The following FRMPD1 variants were observed in gnomAD, a reference collection of about 807,000 sequenced individuals.
FRMPD1 encodes the protein FERM and PDZ domain containing 1, also known as FERM and PDZ domain-containing protein 1.
Under a neutral mutation model 117.8 loss-of-function variants are expected in FRMPD1, and 76 were observed. The ratio of observed to expected loss-of-function variants is 0.65; its 90% confidence interval spans 0.54 to 0.78. FRMPD1 has a LOEUF of 0.78. Ranked by LOEUF, FRMPD1 falls within the 30% of genes least tolerant of loss-of-function variation. FRMPD1 has a pLI of 0.00. For missense variants in FRMPD1, 1,786 were observed against 1,964.5 expected, an observed-to-expected ratio of 0.91 and a Z score of 1.72; for synonymous variants, 783 against 770.4, an observed-to-expected ratio of 1.02 and a Z score of -0.27.
the FRMPD1 span, among the ~76,000 whole-genome samples, chr9:37,627,682 C>T: frequency 1.3e-5 from 2 of 152,176 alleles, no homozygotes; most frequent in Non-Finnish European, 2.9e-5. Context: ...CTTTGTTGCC[C>T]GGGCTATACT....
At chr9:37,722,346 A>G (rs1348551604) in intron 6 of FRMPD1, among the ~76,000 whole-genome samples, 1 of 151,208 alleles carries the variant, frequency 6.6e-6, no homozygotes, top group Non-Finnish European at 1.5e-5. Context: ...AGTCTTGCTT[A>G]GAAGATACAA....
At chr9:37,715,982 A>C (rs959176694) in intron 5 of FRMPD1, among the ~76,000 whole-genome samples, 3 of 152,170 alleles carry the variant, frequency 2.0e-5, no homozygotes, top group Non-Finnish European at 4.4e-5. Context: ...ACCATTCCTC[A>C]TAGATGGGTT....
At position 37,740,360 on chromosome 9, in the gene FRMPD1, C is replaced by T. The variant is rs1263249674; in HGVS notation, c.1832C>T (p.Ala611Val). ...RTSGSSESMD[A>V]LEEDDLDTCS... ...AGTGGCTCGAGTGAGTCCATGGACG[C>T]TCTGGAAGAGGATGACTTAGACACC... Residue 611 changes from alanine (A) to valine (V), a missense_variant, in exon 15 of 16, where the codon GCT (alanine) becomes GTT (valine). Coordinates refer to ENST00000377765, the MANE Select transcript of FRMPD1 (RefSeq NM_014907.3). This position sits in a 1 kb window ranked among gnomAD's most constrained non-coding sequence, Gnocchi z 4.2. 3 of 1,613,562 alleles carry T rather than the reference C, an allele frequency of 1.9e-6. No individual in the cohort carries two copies. The highest frequency in any genetic ancestry group is 2.7e-5 in the African/African-American group (2 of 74,920).
the FRMPD1 span, among the ~76,000 whole-genome samples, chr9:37,611,888 T>C: frequency 6.6e-6 from 1 of 152,144 alleles, no homozygotes; most frequent in African/African-American, 2.4e-5. Flanking sequence ...ATTTCACAGA[T>C]CTGGTTATAA....
rs553612475 is a variant in FRMPD1, at chr9:37,710,970, A to G, written c.363-380A>G. Among the ~76,000 whole-genome samples the G allele has an allele frequency of 3.3e-5, 5 of 152,196 alleles. No homozygotes were observed. In the South Asian group the frequency reaches 8.3e-4, roughly 25 times the overall value. On this transcript the variant is annotated intron_variant, in intron 4 of 15. Coordinates refer to ENST00000377765, the MANE Select transcript of FRMPD1 (RefSeq NM_014907.3). ...AAGACTCTGTCTCACAAAAAAAAAAAAAAAAAAAAATTGGGGGACATAAAT... is the reference window on the plus strand; with the variant it reads ...AAGACTCTGTCTCACAAAAAAAAAAGAAAAAAAAAATTGGGGGACATAAAT...
chr9:37,672,500 C>T (rs75133487), intron 1 of FRMPD1, among the ~76,000 whole-genome samples: 1 of 152,182 alleles, frequency 6.6e-6, no homozygotes, highest in South Asian at 2.1e-4. Context: ...TAAGCTGTTT[C>T]CATGCATTAC....
chr9:37,639,377 T>G, the FRMPD1 span, among the ~76,000 whole-genome samples: 2 of 152,220 alleles, frequency 1.3e-5, no homozygotes, highest in African/African-American at 4.8e-5. Context: ...GTCGCCATGT[T>G]TCCCTTGAAA....
At chr9:37,676,122 C>T (rs894321713) in intron 1 of FRMPD1, among the ~76,000 whole-genome samples, 20 of 152,198 alleles carry the variant, frequency 1.3e-4, no homozygotes, top group Admixed American at 2.6e-4. Flanking sequence ...CAGTTGTACC[C>T]AGAGCATAGA....
chr9:37,613,394 C>T, the FRMPD1 span, among the ~76,000 whole-genome samples: 1 of 152,008 alleles, frequency 6.6e-6, no homozygotes, highest in Non-Finnish European at 1.5e-5. Flanking sequence ...TTAATGTTAC[C>T]CTTTGAGAAT....
At chr9:37,717,765 G>A (rs1823214882) in intron 5 of FRMPD1, among the ~76,000 whole-genome samples, 1 of 152,050 alleles carries the variant, frequency 6.6e-6, no homozygotes, top group Non-Finnish European at 1.5e-5. Context: ...CTTGATATTT[G>A]ACCATCTTTA....
intron 2 of FRMPD1, among the ~76,000 whole-genome samples, chr9:37,702,688 G>C (rs1822577114): frequency 6.6e-6 from 1 of 152,212 alleles, no homozygotes; most frequent in Admixed American, 6.5e-5. Context: ...GGTCCACGAA[G>C]GCAAGGTTGA....
At chr9:37,699,898 T>C (rs1236018324) in intron 2 of FRMPD1, among the ~76,000 whole-genome samples, 1 of 150,442 alleles carries the variant, frequency 6.6e-6, no homozygotes, top group East Asian at 2.0e-4. Flanking sequence ...CATGTATGCA[T>C]GCACGCACAC....
At chr9:37,614,051 A>C in the FRMPD1 span, among the ~76,000 whole-genome samples, 7 of 152,252 alleles carry the variant, frequency 4.6e-5, no homozygotes, top group Non-Finnish European at 1.0e-4. Context: ...CTGCCAGCAG[A>C]GAGGGGACTT....
At chr9:37,684,995 C>T (rs1047013993) in intron 1 of FRMPD1, among the ~76,000 whole-genome samples, 1 of 152,048 alleles carries the variant, frequency 6.6e-6, no homozygotes, top group Non-Finnish European at 1.5e-5. Context: ...CTTAAGCAAT[C>T]CTCCCTGCTC....
At chr9:37,641,804 T>A in the FRMPD1 span, among the ~76,000 whole-genome samples, 1 of 152,202 alleles carries the variant, frequency 6.6e-6, no homozygotes, top group African/African-American at 2.4e-5. Context: ...GCTAGTCTAG[T>A]GCCTCCCCAA....
chr9:37,728,518 C>G (rs1823714356), intron 7 of FRMPD1, among the ~76,000 whole-genome samples: 1 of 152,218 alleles, frequency 6.6e-6, no homozygotes, highest in Non-Finnish European at 1.5e-5. Flanking sequence ...AAAGACCTCA[C>G]AGAGGGCTGC....
At chr9:37,639,036 A>C in the FRMPD1 span, among the ~76,000 whole-genome samples, 1 of 152,266 alleles carries the variant, frequency 6.6e-6, no homozygotes, top group East Asian at 1.9e-4. Flanking sequence ...CAAACAACTT[A>C]ATAAGCATTG....
At chr9:37,738,820 G>T (rs923218772) in intron 14 of FRMPD1, among the ~76,000 whole-genome samples, 2 of 152,148 alleles carry the variant, frequency 1.3e-5, no homozygotes, top group African/African-American at 4.8e-5. Flanking sequence ...TGAAGAACAT[G>T]CTGGAGTTAA....
At position 37,740,450 on chromosome 9, in the gene FRMPD1, C is replaced by G. The variant is rs1176402765; in HGVS notation, c.1922C>G (p.Ser641Cys). 6.2e-7 allele frequency: 1 copy of G among 1,614,100 alleles called. No individual in the cohort carries two copies. Among genetic ancestry groups the G allele is most frequent in the Non-Finnish European group, 8.5e-7 (1 of 1,180,044 alleles). The change falls in exon 15 of 16, where the codon TCT becomes TGT. Residue 641 changes from serine to cysteine, a missense_variant. Transcript: ENST00000377765. This position sits in a 1 kb window ranked among gnomAD's most constrained non-coding sequence, Gnocchi z 4.2. ...GSPGLAESID[S>C]DSQEERSGIE... ...CCAGGCCTCGCAGAGAGCATTGACTCTGACAGCCAGGAGGAGAGAAGCGGG... is the reference window on the plus strand; with the variant it reads ...CCAGGCCTCGCAGAGAGCATTGACTGTGACAGCCAGGAGGAGAGAAGCGGG...
Sources: allele counts gnomAD v4.1 joint callset (sites outside exome capture counted in the v4.1 genomes callset), GRCh38; gene constraint gnomAD v4.1.1; non-coding constraint Gnocchi (gnomAD v3.1); transcripts MANE v1.5; gene names NCBI Gene and HGNC (gene_info 2026-07-23, HGNC 2026-07-21).